The following ALK variants were observed in gnomAD, a reference collection of about 807,000 sequenced individuals.
ALK encodes the protein ALK receptor tyrosine kinase.
A neutral mutation model predicts 163.1 loss-of-function variants in ALK; 74 were observed. The ratio of observed to expected loss-of-function variants is 0.45; its 90% CI spans 0.38 to 0.55. The LOEUF (loss-of-function observed/expected upper bound fraction) is 0.55. ALK is among the 20% of genes least tolerant of loss of function. ALK has a pLI of 0.00. For missense variants in ALK, 2,063 were observed against 2,105.3 expected, an observed-to-expected ratio of 0.98 and a Z score of 0.39; for synonymous variants, 960 against 843.2, an observed-to-expected ratio of 1.14 and a Z score of -2.40.
intron 5 of ALK, among the ~76,000 whole-genome samples, chr2:29,348,857 T>C (rs999194408): frequency 6.6e-6 from 1 of 152,216 alleles, no homozygotes; most frequent in South Asian, 2.1e-4. Context: ...CTGAGTACTC[T>C]CCATTAAAGG....
intron 4 of ALK, among the ~76,000 whole-genome samples, chr2:29,527,076 G>A (rs1010857658): frequency 6.6e-6 from 1 of 152,226 alleles, no homozygotes; most frequent in Non-Finnish European, 1.5e-5. Flanking sequence ...TGCCAGGACA[G>A]AAGAGGGGAG....
chr2:29,407,459 C>T (rs557120727), intron 4 of ALK, among the ~76,000 whole-genome samples: 2 of 152,232 alleles, frequency 1.3e-5, no homozygotes, highest in Non-Finnish European at 2.9e-5. Flanking sequence ...AACAGAAATT[C>T]AGGAAAGTCA....
chr2:29,465,308 A>G (rs868453773), intron 4 of ALK, among the ~76,000 whole-genome samples: 4 of 152,222 alleles, frequency 2.6e-5, no homozygotes, highest in Admixed American at 6.5e-5. Flanking sequence ...AAGATTGTCA[A>G]TTTAGGATTC....
intron 3 of ALK, among the ~76,000 whole-genome samples, chr2:29,591,931 C>T (rs1336576599): frequency 1.3e-5 from 2 of 151,672 alleles, no homozygotes; most frequent in East Asian, 1.9e-4. Context: ...CTCATGAGTC[C>T]GTCTTTATTC....
intron 4 of ALK, among the ~76,000 whole-genome samples, chr2:29,522,646 G>C (rs995771815): frequency 6.6e-6 from 1 of 152,134 alleles, no homozygotes. Flanking sequence ...GCTTCTCAGA[G>C]GAGGGGACAT....
intron 1 of ALK, among the ~76,000 whole-genome samples, chr2:29,811,411 T>C (rs1201728704): frequency 1.3e-5 from 2 of 152,156 alleles, no homozygotes; most frequent in African/African-American, 4.8e-5. Flanking sequence ...CATTGGGTCA[T>C]CATAATGTCA....
chr2:29,649,096 C>G lies in ALK; in HGVS notation c.952+45754G>C, dbSNP rs533899067. ...TTGCAAGACATACAATCTTTATTTTCTATTACTCTGAAGTTTTATAATTAT... is the reference window on the plus strand; with the variant it reads ...TTGCAAGACATACAATCTTTATTTTGTATTACTCTGAAGTTTTATAATTAT... On this transcript the variant is annotated intron_variant, in intron 3 of 28. Transcript: ENST00000389048. 2.0e-5 allele frequency among the ~76,000 whole-genome samples: 3 copies of G among 152,078 alleles called. No individual in the cohort carries two copies. In the South Asian group the frequency reaches 6.2e-4, roughly 32 times the overall value.
At chr2:29,717,870 T>C (rs1357107003) in intron 1 of ALK, among the ~76,000 whole-genome samples, 173 bp from the exon 2 acceptor site, 1 of 152,106 alleles carries the variant, frequency 6.6e-6, no homozygotes, top group Admixed American at 6.6e-5. Context: ...AGGACCCTGA[T>C]GTACATTTTC....
chr2:29,906,111 G>A (rs1455555383), intron 1 of ALK, among the ~76,000 whole-genome samples: 1 of 150,150 alleles, frequency 6.7e-6, no homozygotes, highest in South Asian at 2.1e-4. Flanking sequence ...CTGGGGCCAT[G>A]CTTTAAGAGG....
At chr2:29,581,317 G>C (rs1456057186) in intron 3 of ALK, among the ~76,000 whole-genome samples, 1 of 152,196 alleles carries the variant, frequency 6.6e-6, no homozygotes, top group Admixed American at 6.5e-5. Context: ...GAACCCGGGA[G>C]GTGGAGGTTG....
rs146475057 is a variant in ALK at position 29,468,467 on chromosome 2, T to C, written c.1154+63448A>G. Among the ~76,000 whole-genome samples, 85 of 152,316 alleles carry C rather than the reference T, an allele frequency of 5.6e-4. No homozygotes were observed. The East Asian group carries it at 0.014, about 25-fold the overall frequency. On this transcript the variant is annotated intron_variant, in intron 4 of 28. Transcript: ENST00000389048. ...GCCATGGAGATACAGATTTGAAGAA[T>C]ATTGGCTTGCTAGCGATATGAGCCC...
chr2:29,490,191 G>C (rs928697139), intron 4 of ALK, among the ~76,000 whole-genome samples: 2 of 152,228 alleles, frequency 1.3e-5, no homozygotes, highest in African/African-American at 2.4e-5. Flanking sequence ...GTCAGAGCTG[G>C]AGCTAGAGAT....
chr2:29,734,609 A>G (rs987404377), intron 1 of ALK, among the ~76,000 whole-genome samples: 2 of 152,104 alleles, frequency 1.3e-5, no homozygotes, highest in African/African-American at 4.8e-5. Flanking sequence ...ACACCTGTAA[A>G]AATAAATATA....
At chr2:29,285,781 T>C (rs772788529) in intron 9 of ALK, among the ~76,000 whole-genome samples, 5 of 152,164 alleles carry the variant, frequency 3.3e-5, no homozygotes, top group Admixed American at 6.5e-5. Context: ...CAGGCTGGTC[T>C]TGAACTCCTG....
chr2:29,465,693 CA>C (rs140797657), intron 4 of ALK, among the ~76,000 whole-genome samples: 192 of 147,860 alleles, frequency 1.3e-3, no homozygotes, highest in African/African-American at 4.8e-3. Context: ...GGCTTCATTT[CA>C]AAAAAAAACA....
chr2:29,620,502 G>C (rs191747722), intron 3 of ALK, among the ~76,000 whole-genome samples: 3 of 150,730 alleles, frequency 2.0e-5, no homozygotes, highest in Non-Finnish European at 3.0e-5. Context: ...TTTGCGGGGT[G>C]GGGGGGTGGT....
intron 14 of ALK, 38 bp from the exon 15 acceptor site, chr2:29,232,486 C>T: frequency 6.2e-7 from 1 of 1,613,704 alleles, no homozygotes; most frequent in South Asian, 1.1e-5. Context: ...AGAAACCGAG[C>T]TGTGCTTCCC....
At chr2:29,386,183 T>G (rs901612404) in intron 4 of ALK, among the ~76,000 whole-genome samples, 8 of 152,250 alleles carry the variant, frequency 5.3e-5, no homozygotes, top group Non-Finnish European at 8.8e-5. Context: ...TCTTCTTCCC[T>G]ATCTTTTCTC....
At chr2:29,550,142 T>C (rs1035348219) in intron 3 of ALK, among the ~76,000 whole-genome samples, 1 of 152,224 alleles carries the variant, frequency 6.6e-6, no homozygotes, top group Non-Finnish European at 1.5e-5. Flanking sequence ...CTAATGCTTA[T>C]CCAGTGCCTA....
Sources: gnomAD v4.1 joint callset for allele counts (sites outside exome capture counted in the v4.1 genomes callset) on GRCh38, gnomAD v4.1.1 for gene constraint, MANE v1.5 for transcripts, NCBI Gene and HGNC (gene_info 2026-07-23, HGNC 2026-07-21) for gene names.